ODAD2: variants seen among roughly 807,000 people sequenced by gnomAD.
The protein encoded by ODAD2 is outer dynein arm-docking complex subunit 2.
A neutral mutation model predicts 106.8 loss-of-function variants in ODAD2; 89 were observed. The ratio of observed to expected loss-of-function variants is 0.83; its 90% CI spans 0.70 to 0.99. ODAD2 has a LOEUF of 0.99. ODAD2 is among the 50% of genes least tolerant of loss of function. The pLI, the probability that ODAD2 is intolerant of heterozygous loss-of-function variation, is 0.00. For missense variants in ODAD2, 1,168 were observed against 1,238.5 expected, an observed-to-expected ratio of 0.94 and a Z score of 0.85; for synonymous variants, 404 against 436.2, an observed-to-expected ratio of 0.93 and a Z score of 0.92.
chr10:27,977,767 G>T (rs1171571751), intron 7 of ODAD2, among the ~76,000 whole-genome samples: 1 of 152,120 alleles, frequency 6.6e-6, no homozygotes, highest in Non-Finnish European at 1.5e-5. Flanking sequence ...TAGGATATGT[G>T]AATGGCCAAT....
At position 27,891,114 on chromosome 10, in the gene ODAD2, G is replaced by A. The variant is rs1475029171; in HGVS notation, c.2610+16549C>T. ...TTGGCTCCCTGATTGGGCATGGACC[G>A]TTGGGCAGCTGAAGTTAAACAGAGG... On this transcript the variant is annotated intron_variant, in intron 17 of 19. Coordinates refer to ENST00000305242, the MANE Select transcript of ODAD2 (RefSeq NM_018076.5). Among the ~76,000 whole-genome samples, 4 of 152,138 alleles carry A rather than the reference G, an allele frequency of 2.6e-5. 1 individual carries two copies. The South Asian group carries it at 6.2e-4, about 24-fold the overall frequency.
intron 10 of ODAD2, chr10:27,959,054 T>C: frequency 7.8e-7 from 1 of 1,278,420 alleles, no homozygotes; most frequent in Non-Finnish European, 1.0e-6. Context: ...GACTATGTCT[T>C]GGACGGGCTT....
chr10:27,883,395 C>T (rs1841877469), intron 17 of ODAD2, among the ~76,000 whole-genome samples: 1 of 152,072 alleles, frequency 6.6e-6, no homozygotes, highest in Non-Finnish European at 1.5e-5. Context: ...CAACAACAAA[C>T]AGCAACAAAT....
intron 17 of ODAD2, among the ~76,000 whole-genome samples, chr10:27,906,688 A>AAC (rs1382107370): frequency 1.3e-5 from 2 of 152,240 alleles, no homozygotes; most frequent in Non-Finnish European, 2.9e-5. Flanking sequence ...CAGCCATAAA[A>AAC]ACGAATGAGT....
At position 27,926,338 on chromosome 10, in the gene ODAD2, T is replaced by C. The variant is rs549730566; in HGVS notation, c.2495+8672A>G. On this transcript the variant is annotated intron_variant, in intron 16 of 19. Transcript: ENST00000305242. ...AAAGTAGCGGGATATAGAATTATCA[T>C]ACAGAATTCAACGGAGCTCATTAAA... 3.3e-5 allele frequency among the ~76,000 whole-genome samples: 5 copies of C among 151,316 alleles called. No individual in the cohort carries two copies. The South Asian group carries it at 6.2e-4, about 19-fold the overall frequency.
intron 19 of ODAD2, among the ~76,000 whole-genome samples, chr10:27,822,968 T>C (rs574198962): frequency 1.3e-5 from 2 of 152,268 alleles, no homozygotes; most frequent in African/African-American, 4.8e-5. Context: ...GACTCGCACA[T>C]TGGGTCTATA....
At chr10:27,826,645 T>C (rs933065233) in intron 19 of ODAD2, among the ~76,000 whole-genome samples, 1 of 152,108 alleles carries the variant, frequency 6.6e-6, no homozygotes, top group Non-Finnish European at 1.5e-5. Flanking sequence ...AGGTGTCTCC[T>C]CCTGCCCAGG....
intron 19 of ODAD2, among the ~76,000 whole-genome samples, chr10:27,829,809 A>G (rs114557590): frequency 0.015 from 2,250 of 152,306 alleles, 54 homozygotes; most frequent in African/African-American, 0.051. Context: ...TTAGAACAGA[A>G]TAATACTTCT....
chr10:27,884,533 T>A (rs529094436), intron 17 of ODAD2, among the ~76,000 whole-genome samples: 1 of 152,288 alleles, frequency 6.6e-6, no homozygotes, highest in South Asian at 2.1e-4. Context: ...CTTGCCATGT[T>A]TTGGCCTATC....
chr10:27,893,182 A>G (rs991700228), intron 17 of ODAD2, among the ~76,000 whole-genome samples: 2 of 152,190 alleles, frequency 1.3e-5, no homozygotes, highest in African/African-American at 2.4e-5. Flanking sequence ...AAGAAAAGAA[A>G]GAAAGAAAAG....
intron 9 of ODAD2, among the ~76,000 whole-genome samples, chr10:27,962,433 GC>G: frequency 6.6e-6 from 1 of 152,316 alleles, no homozygotes; most frequent in Non-Finnish European, 1.5e-5. Flanking sequence ...ACTGGGCAGT[GC>G]CACAAGGCCC....
At chr10:27,812,933 C>G (rs1460853394) in intron 19 of ODAD2, among the ~76,000 whole-genome samples, 1 of 152,156 alleles carries the variant, frequency 6.6e-6, no homozygotes, top group Non-Finnish European at 1.5e-5. Flanking sequence ...TTTTCCACCT[C>G]TCAGAACAAG....
At chr10:27,917,195 G>A (rs1013460678) in intron 16 of ODAD2, among the ~76,000 whole-genome samples, 44 of 152,102 alleles carry the variant, frequency 2.9e-4, no homozygotes, top group Non-Finnish European at 5.9e-5. Context: ...CCCTGACCTT[G>A]TGGTTTTAAA....
intron 19 of ODAD2, among the ~76,000 whole-genome samples, chr10:27,839,729 G>T (rs1015115423): frequency 1.3e-5 from 2 of 152,158 alleles, no homozygotes; most frequent in African/African-American, 2.4e-5. Flanking sequence ...TGTATAATTT[G>T]CCAAGTTTAA....
At chr10:27,966,473 C>CT (rs938362015) in intron 9 of ODAD2, among the ~76,000 whole-genome samples, 92 of 151,712 alleles carry the variant, frequency 6.1e-4, no homozygotes, top group African/African-American at 1.9e-3. Flanking sequence ...GAAAAGCTGT[C>CT]TTTTTTTTTC....
At chr10:27,872,883 A>G (rs12988313) in intron 17 of ODAD2, among the ~76,000 whole-genome samples, 65 of 152,194 alleles carry the variant, frequency 4.3e-4, no homozygotes, top group African/African-American at 9.9e-4. Context: ...AATGAGTTAG[A>G]GAGGATTCCC....
intron 10 of ODAD2, 122 bp from the exon 11 acceptor site, chr10:27,945,084 G>T: frequency 9.0e-7 from 1 of 1,117,240 alleles, no homozygotes; most frequent in Non-Finnish European, 1.3e-6. Flanking sequence ...TTTGTTAAAT[G>T]AATCAGGTAG....
chr10:27,978,970 G>C (rs549167421), intron 7 of ODAD2, among the ~76,000 whole-genome samples: 40 of 152,102 alleles, frequency 2.6e-4, no homozygotes, highest in African/African-American at 9.4e-4. Flanking sequence ...AGCACTTTGG[G>C]AGGCCGAGGC....
intron 13 of ODAD2, 110 bp from the exon 14 acceptor site, chr10:27,940,117 G>A: frequency 2.9e-6 from 2 of 687,584 alleles, no homozygotes; most frequent in Non-Finnish European, 4.8e-6. Context: ...AATCACCATA[G>A]TCCAAGCTTA....
Sources: gnomAD v4.1 joint callset for allele counts (sites outside exome capture counted in the v4.1 genomes callset) on GRCh38, gnomAD v4.1.1 for gene constraint, MANE v1.5 for transcripts, NCBI Gene and HGNC (gene_info 2026-07-23, HGNC 2026-07-21) for gene names.